The following DDX10 variants were observed in gnomAD, a reference collection of about 807,000 sequenced individuals.
DDX10 encodes the protein DEAD-box helicase 10, also known as probable ATP-dependent RNA helicase DDX10.
DDX10 carries 74 observed loss-of-function variants against 104.3 expected under a neutral mutation model. The ratio of observed to expected loss-of-function variants is 0.71; its 90% CI spans 0.59 to 0.86. DDX10 has a LOEUF of 0.86. Among genes scored for constraint, DDX10 ranks in the 40% least tolerant of loss-of-function variants. DDX10 has a pLI of 0.00. For missense variants in DDX10, 952 were observed against 1,040.0 expected, an observed-to-expected ratio of 0.92 and a Z score of 1.16; for synonymous variants, 351 against 353.4, an observed-to-expected ratio of 0.99 and a Z score of 0.08.
At chr11:108,667,694 T>C (rs1591785460) in intron 1 of DDX10, among the ~76,000 whole-genome samples, 1 of 152,218 alleles carries the variant, frequency 6.6e-6, no homozygotes, top group East Asian at 1.9e-4. Flanking sequence ...ATGCTTCTTG[T>C]GCTTCTCATC....
chr11:108,819,397 A>G (rs1001461294), intron 13 of DDX10, among the ~76,000 whole-genome samples: 6 of 152,222 alleles, frequency 3.9e-5, no homozygotes, highest in African/African-American at 1.2e-4. Context: ...GAAAACATTT[A>G]GATTAGCATT....
chr11:108,803,581 C>CA (rs1862054871), intron 13 of DDX10, among the ~76,000 whole-genome samples: 1 of 32,850 alleles, frequency 3.0e-5, no homozygotes, highest in African/African-American at 8.9e-5. Flanking sequence ...GCAACAAGAG[C>CA]GAAAAAAAAA....
chr11:108,768,174 G>A (rs1226537189), intron 13 of DDX10, among the ~76,000 whole-genome samples: 1 of 152,124 alleles, frequency 6.6e-6, no homozygotes, highest in African/African-American at 2.4e-5. Flanking sequence ...TTAAGTTTTT[G>A]GAGAGTCAAA....
intron 13 of DDX10, among the ~76,000 whole-genome samples, chr11:108,810,932 ATTC>A (rs1407122022): frequency 6.6e-6 from 1 of 152,064 alleles, no homozygotes; most frequent in African/African-American, 2.4e-5. Flanking sequence ...CACAATCACC[ATTC>A]TTCTTTGCTA....
Position 108,723,390 on chromosome 11 carries a change from AGAT to A in DDX10, c.1895_1897del (p.Asp632del). ...TCTTGGACAGAGATGAGGAGGAAGAAGATGCTGATTTCTTGAAGGTGAAGCGGC... is the reference window on the plus strand; with the variant it reads ...TCTTGGACAGAGATGAGGAGGAAGAAGCTGATTTCTTGAAGGTGAAGCGGC... On this transcript the variant is annotated inframe_deletion, in exon 13 of 18. Coordinates refer to ENST00000322536, the MANE Select transcript of DDX10 (RefSeq NM_004398.4). 6.2e-7 allele frequency: 1 copy of A among 1,614,004 alleles called. No individual in the cohort carries two copies. The highest frequency in any genetic ancestry group is 8.5e-7 in the Non-Finnish European group (1 of 1,179,904).
At chr11:108,794,185 T>A (rs1257586950) in intron 13 of DDX10, among the ~76,000 whole-genome samples, 1 of 152,180 alleles carries the variant, frequency 6.6e-6, no homozygotes, top group Non-Finnish European at 1.5e-5. Flanking sequence ...TGCTTTTTCT[T>A]TGGATGAATA....
rs569867418 is a variant in DDX10 at position 108,898,108 on chromosome 11, A to G, written c.2305-19765A>G. On this transcript the variant is annotated intron_variant, in intron 16 of 17. Transcript: ENST00000322536. ...AGTCAAGGATAACATTTGTATATAC[A>G]GTGCCTCCAGTATCCCACAAATTTG... Among the ~76,000 whole-genome samples the G allele has an allele frequency of 3.3e-5, 5 of 152,298 alleles. 1 individual carries two copies. In the South Asian group the frequency reaches 1.0e-3, roughly 32 times the overall value.
chr11:108,761,746 T>C (rs1424669400), intron 13 of DDX10, among the ~76,000 whole-genome samples: 2 of 152,096 alleles, frequency 1.3e-5, no homozygotes, highest in Middle Eastern at 3.2e-3. Flanking sequence ...CCTCTGCCAT[T>C]TGGGTCACCA....
chr11:108,772,299 A>T (rs1287154831), intron 13 of DDX10, among the ~76,000 whole-genome samples: 1 of 152,238 alleles, frequency 6.6e-6, no homozygotes, highest in African/African-American at 2.4e-5. Flanking sequence ...TCTTGAGATA[A>T]GGAGATAATT....
At position 108,677,218 on chromosome 11, in the gene DDX10, C is replaced by T; in HGVS notation, c.512C>T (p.Ser171Leu). The part of the protein sequence containing the change: ...LRKVGKNHDF[S>L]AGLIIGGKDL... The stretch of plus-strand genomic sequence containing the variant: ...AAAGTAGGAAAGAATCATGACTTCT[C>T]AGCTGGTCTCATCATTGGTGGAAAG... Residue 171 changes from serine to leucine, a missense_variant, in exon 4 of 18, where the codon TCA (serine) becomes TTA (leucine). Physicochemically the swap from Ser to Leu is moderately radical, Grantham distance 145. Around this residue, in one of 3 missense-constraint regions of DDX10, gnomAD observed 412 missense variants for 479.2 expected, o/e 0.86. Transcript: ENST00000322536. The T allele has an allele frequency of 2.5e-6, 4 of 1,613,768 alleles. No individual in the cohort carries two copies. In the South Asian group the frequency reaches 3.3e-5, roughly 13 times the overall value.
At chr11:108,742,042 T>G (rs1438891716) in intron 13 of DDX10, among the ~76,000 whole-genome samples, 1 of 150,326 alleles carries the variant, frequency 6.7e-6, no homozygotes, top group African/African-American at 2.5e-5. Flanking sequence ...GTGGATCGCC[T>G]GAGATCAGGA....
chr11:108,727,852 T>C (rs968504197), intron 13 of DDX10: 8 of 205,388 alleles, frequency 3.9e-5, no homozygotes, highest in African/African-American at 9.5e-5. Context: ...AAAGGACACA[T>C]AGAAAATACA....
chr11:108,691,767 G>C, intron 7 of DDX10, 109 bp from the exon 8 acceptor site: 1 of 818,418 alleles, frequency 1.2e-6, no homozygotes, highest in Non-Finnish European at 1.8e-6. Flanking sequence ...GGTTGGAATT[G>C]GGTATCACAT....
chr11:108,826,265 A>G (rs560977421), intron 13 of DDX10, among the ~76,000 whole-genome samples: 11 of 152,308 alleles, frequency 7.2e-5, no homozygotes, highest in Admixed American at 7.2e-4. Context: ...CAGTGTAACT[A>G]AGGGACTGTT....
chr11:108,707,485 T>G (rs35625495), intron 10 of DDX10, among the ~76,000 whole-genome samples: 4,169 of 152,324 alleles, frequency 0.027, 97 homozygotes, highest in Non-Finnish European at 0.042. Context: ...TTTCATTGTC[T>G]GGACGCAACA....
intron 13 of DDX10, among the ~76,000 whole-genome samples, chr11:108,828,516 C>A (rs1480039531): frequency 6.6e-6 from 1 of 152,096 alleles, no homozygotes; most frequent in Non-Finnish European, 1.5e-5. Context: ...TATTCCATTT[C>A]TTTATCCACA....
At chr11:108,759,809 G>C (rs1225871374) in intron 13 of DDX10, among the ~76,000 whole-genome samples, 4 of 151,754 alleles carry the variant, frequency 2.6e-5, no homozygotes, top group African/African-American at 9.7e-5. Context: ...TAAGATTTTT[G>C]TTTTAAGATG....
chr11:108,712,229 G>A (rs2094285359), intron 10 of DDX10, among the ~76,000 whole-genome samples: 1 of 152,000 alleles, frequency 6.6e-6, no homozygotes, highest in Non-Finnish European at 1.5e-5. Flanking sequence ...CATACAGTTG[G>A]GTCTTGTTTT....
intron 13 of DDX10, among the ~76,000 whole-genome samples, chr11:108,788,093 G>A (rs1182390208): frequency 2.0e-5 from 3 of 152,058 alleles, no homozygotes; most frequent in Non-Finnish European, 2.9e-5. Flanking sequence ...ATCTTGATGC[G>A]CTTCCTTGCC....
Sources: allele counts gnomAD v4.1 joint callset (sites outside exome capture counted in the v4.1 genomes callset), GRCh38; gene constraint gnomAD v4.1.1; regional missense constraint gnomAD v4.1.1; transcripts MANE v1.5; gene names NCBI Gene and HGNC (gene_info 2026-07-23, HGNC 2026-07-21).